Variants in CSTPP1 observed in about 807,000 individuals in gnomAD.
CSTPP1 encodes the protein centriolar satellite-associated tubulin polyglutamylase complex regulator 1.
chr11:46,960,648 C>T, the CSTPP1 span, among the ~76,000 whole-genome samples: 5 of 152,188 alleles, frequency 3.3e-5, no homozygotes, highest in South Asian at 2.1e-4. Context: ...GTCAGGAGTT[C>T]GAGACCAGCC....
At chr11:47,127,386 G>T in the CSTPP1 span, among the ~76,000 whole-genome samples, 1 of 152,252 alleles carries the variant, frequency 6.6e-6, no homozygotes, top group South Asian at 2.1e-4. Flanking sequence ...AGGATTGGCA[G>T]TGCACTGACA....
At chr11:47,117,942 C>T in the CSTPP1 span, among the ~76,000 whole-genome samples, 6 of 139,664 alleles carry the variant, frequency 4.3e-5, no homozygotes, top group East Asian at 4.5e-4. Flanking sequence ...TGCAATGGCA[C>T]GATCTTGGCT....
chr11:46,968,249 G>A, the CSTPP1 span, among the ~76,000 whole-genome samples: 2 of 151,234 alleles, frequency 1.3e-5, no homozygotes, highest in East Asian at 3.9e-4. Flanking sequence ...GAAATCAAAG[G>A]CCTTCTATAA....
At chr11:47,114,593 A>G in the CSTPP1 span, among the ~76,000 whole-genome samples, 2 of 152,152 alleles carry the variant, frequency 1.3e-5, no homozygotes, top group Admixed American at 6.5e-5. Context: ...CTTTGTAGCA[A>G]TTGTGAATGG....
At chr11:47,043,159 A>C in the CSTPP1 span, among the ~76,000 whole-genome samples, 1 of 152,334 alleles carries the variant, frequency 6.6e-6, no homozygotes, top group Non-Finnish European at 1.5e-5. Context: ...CACACAGTGC[A>C]GGAGACTGGA....
chr11:46,970,925 G>T, the CSTPP1 span, among the ~76,000 whole-genome samples: 1 of 152,168 alleles, frequency 6.6e-6, no homozygotes, highest in Admixed American at 6.5e-5. Flanking sequence ...TAGATACTAC[G>T]ATGTAGCCAT....
At chr11:46,946,515 G>A in the CSTPP1 span, among the ~76,000 whole-genome samples, 3 of 152,138 alleles carry the variant, frequency 2.0e-5, no homozygotes, top group African/African-American at 7.2e-5. Flanking sequence ...AAAATTAGCC[G>A]GGCGTGGTGG....
At chr11:47,121,009 G>A in the CSTPP1 span, among the ~76,000 whole-genome samples, 1 of 152,058 alleles carries the variant, frequency 6.6e-6, no homozygotes, top group Non-Finnish European at 1.5e-5. Flanking sequence ...TATATGATAC[G>A]TATACAGTGG....
chr11:47,151,438 T>C, the CSTPP1 span, among the ~76,000 whole-genome samples: 1 of 149,044 alleles, frequency 6.7e-6, no homozygotes, highest in Non-Finnish European at 1.5e-5. Flanking sequence ...GCAGGGAAAC[T>C]GGGTAGGAGG....
At chr11:47,098,852 C>A in the CSTPP1 span, among the ~76,000 whole-genome samples, 1 of 152,170 alleles carries the variant, frequency 6.6e-6, no homozygotes, top group Non-Finnish European at 1.5e-5. Context: ...TCTGATCCAT[C>A]AGTAATATAG....
At chr11:47,036,924 G>A in the CSTPP1 span, among the ~76,000 whole-genome samples, 6 of 125,768 alleles carry the variant, frequency 4.8e-5, 3 homozygotes, top group Non-Finnish European at 1.1e-4. Context: ...CTGGTGATCC[G>A]CCCACCTCGG....
At chr11:47,041,413 G>A in the CSTPP1 span, 3 of 260,384 alleles carry the variant, frequency 1.2e-5, no homozygotes, top group South Asian at 6.3e-5. Flanking sequence ...TCAGCATGGA[G>A]GACAGCACGT....
At chr11:47,029,796 G>A in the CSTPP1 span, among the ~76,000 whole-genome samples, 1 of 150,374 alleles carries the variant, frequency 6.7e-6, no homozygotes, top group Admixed American at 6.6e-5. Context: ...ATATATTTAG[G>A]ATTCCTTGAA....
At chr11:46,943,494 A>C in the CSTPP1 span, among the ~76,000 whole-genome samples, 1 of 152,234 alleles carries the variant, frequency 6.6e-6, no homozygotes, top group South Asian at 2.1e-4. Context: ...CAGTGTCTTC[A>C]TTTAACATTT....
the CSTPP1 span, among the ~76,000 whole-genome samples, chr11:46,950,674 C>G: frequency 6.6e-6 from 1 of 150,448 alleles, no homozygotes; most frequent in Non-Finnish European, 1.5e-5. Context: ...TGCAATGGCC[C>G]GATCTCGGCT....
the CSTPP1 span, among the ~76,000 whole-genome samples, chr11:46,970,845 G>A: frequency 2.6e-5 from 4 of 152,110 alleles, no homozygotes; most frequent in African/African-American, 7.2e-5. Context: ...CTTCATAAAG[G>A]TGAAAAATTA....
chr11:47,153,931 C>T, the CSTPP1 span, among the ~76,000 whole-genome samples: 1 of 151,950 alleles, frequency 6.6e-6, no homozygotes, highest in Non-Finnish European at 1.5e-5. Context: ...TATGAGAGAG[C>T]AAAAGAAAAC....
At chr11:47,163,375 A>T in the CSTPP1 span, among the ~76,000 whole-genome samples, 1 of 152,058 alleles carries the variant, frequency 6.6e-6, no homozygotes. Flanking sequence ...GATGATCCCA[A>T]AGCTGAATGA....
the CSTPP1 span, among the ~76,000 whole-genome samples, chr11:47,062,555 AT>A: frequency 9.9e-5 from 15 of 152,236 alleles, no homozygotes; most frequent in Admixed American, 9.8e-4. Context: ...AATCAAAGCT[AT>A]ACTATACTAA....
Sources: allele counts gnomAD v4.1 joint callset (sites outside exome capture counted in the v4.1 genomes callset), GRCh38; gene constraint gnomAD v4.1.1; transcripts MANE v1.5; gene names NCBI Gene and HGNC (gene_info 2026-07-23, HGNC 2026-07-21).